Variants in FDXR observed in about 807,000 individuals in gnomAD.
FDXR encodes NADPH:adrenodoxin oxidoreductase, mitochondrial.
In FDXR, 38 loss-of-function variants were observed where a neutral mutation model predicts 58.3. The ratio of observed to expected loss-of-function variants is 0.65; its 90% confidence interval spans 0.50 to 0.85. The LOEUF is 0.85. FDXR is among the 40% of genes least tolerant of loss of function. The pLI is 0.00. For synonymous variants in FDXR, 275 were observed against 273.8 expected (o/e 1.00, Z -0.04); for missense variants, 624 against 671.0 (o/e 0.93, Z 0.77).
intron 2 of FDXR, among the ~76,000 whole-genome samples, chr17:74,871,790 A>G (rs1460399322): frequency 6.6e-6 from 1 of 152,128 alleles, no homozygotes; most frequent in Non-Finnish European, 1.5e-5. Flanking sequence ...CAGGGAGGCA[A>G]AGCTGACCAC....
intron 6 of FDXR, among the ~76,000 whole-genome samples, chr17:74,865,164 T>G (rs1335312999): frequency 6.6e-6 from 1 of 152,092 alleles, no homozygotes; most frequent in South Asian, 2.1e-4. Context: ...CTCTACCATG[T>G]GCTCACCCCC....
At chr17:74,864,954 G>A in intron 6 of FDXR, 23 bp from the exon 7 acceptor site, 1 of 1,614,038 alleles carries the variant, frequency 6.2e-7, no homozygotes, top group Non-Finnish European at 8.5e-7. Flanking sequence ...GAGGGCCTTG[G>A]AGTCATCAGA....
At chr17:74,872,555 C>G in intron 1 of FDXR, 1 of 626,692 alleles carries the variant, frequency 1.6e-6, no homozygotes, top group Admixed American at 3.0e-5. Flanking sequence ...CCTACAGATC[C>G]CTGTTTCGAC....
Position 74,862,689 on chromosome 17 carries a change from A to G in FDXR, c.*128T>C. The G allele has an allele frequency of 7.8e-7, 1 of 1,288,108 alleles. No homozygotes were observed. 79.8% of individuals were successfully genotyped at this position (1,288,108 alleles called of 1,614,324 possible). A position where few individuals can be genotyped will look rare whatever the true frequency, so the allele number is the denominator to read the frequency against. On this transcript the variant is annotated 3_prime_UTR_variant, in exon 12 of 12. Coordinates refer to ENST00000293195, the MANE Select transcript of FDXR (RefSeq NM_024417.5). ...CAGGAGGGAGGAGAGACGCTGGAAG[A>G]GCAGCCAAGCCTCCAAGCCAGGGCC...
At chr17:74,869,836 CT>C (rs2038313229) in intron 2 of FDXR, 2 of 401,294 alleles carry the variant, frequency 5.0e-6, no homozygotes, top group South Asian at 3.3e-5. Context: ...TAAATGATTA[CT>C]GAATGGATTA....
rs529689025 is a variant in FDXR at position 74,868,221 on chromosome 17, T to G, written c.178-1345A>C. The G allele has an allele frequency of 1.8e-5, 9 of 495,256 alleles. No individual in the cohort carries two copies. In the Admixed American group the frequency reaches 2.9e-4, roughly 16 times the overall value. The allele number at this position is 495,256 out of a possible 1,614,324, so 30.7% of individuals were successfully genotyped here. ...CCACCTCCCTCAAGCCCCACGATGT[T>G]GTACCCACAAAGCGCTCTGGGCTTG... On this transcript the variant is annotated intron_variant, in intron 2 of 11. Transcript: ENST00000293195.
In FDXR at chr17:74,864,537, C is replaced by G. The variant is rs773043685; in HGVS notation, c.745G>C (p.Gly249Arg). 1 of 1,614,122 alleles carries G rather than the reference C, an allele frequency of 6.2e-7. No individual in the cohort carries two copies. Among genetic ancestry groups the G allele is most frequent in the Admixed American group, 1.7e-5 (1 of 60,020 alleles). Residue 249 changes from glycine to arginine, a missense_variant, in exon 8 of 12, where the codon GGA becomes CGA. Gly to Arg is a moderately radical substitution (Grantham distance 125, BLOSUM62 -2). Transcript: ENST00000293195. ...KELREMIQLP[G>R]ARPILDPVDF... ...ACAGGATCCAAAATGGGCCGGGCTC[C>G]CGGTAACTGAATCATCTCCCGAAGC...
chr17:74,866,380 C>A, intron 4 of FDXR, 66 bp downstream of exon 4: 1 of 1,593,422 alleles, frequency 6.3e-7, no homozygotes, highest in Middle Eastern at 1.7e-4. Context: ...TGCTGCCTTC[C>A]ACCCCGAGCC....
At chr17:74,865,602 G>T in intron 6 of FDXR, 117 bp downstream of exon 6, 1 of 663,476 alleles carries the variant, frequency 1.5e-6, no homozygotes, top group Non-Finnish European at 2.6e-6. Flanking sequence ...GGCACCACGG[G>T]GAAACAGAGG....
Position 74,864,294 on chromosome 17 carries a change from C to G in FDXR, c.856G>C (p.Glu286Gln), listed in dbSNP as rs1239033667. The change falls in exon 9 of 12, where the codon GAG (glutamate) becomes CAG (glutamine). Residue 286 changes from glutamate (E) to glutamine (Q), a missense_variant. By Grantham distance (29) the Glu-to-Gln change is conservative (BLOSUM62 2). Transcript: ENST00000293195. ...GCAGCTTCCGCCGGCCCTGGCTTCT[C>G]TGTGGCCGTTCGAAGCAGCAGTTCC... ...LTELLLRTAT[E>Q]KPGPAEAARQ... 12 of 1,590,212 alleles carry G rather than the reference C, an allele frequency of 7.5e-6. No homozygotes were observed. The highest frequency in any genetic ancestry group is 1.0e-5 in the Non-Finnish European group (12 of 1,165,466).
At chr17:74,864,709 C>A in intron 7 of FDXR, 115 bp downstream of exon 7, 1 of 1,496,642 alleles carries the variant, frequency 6.7e-7, no homozygotes, top group Non-Finnish European at 9.2e-7. Context: ...CCTGACTGCT[C>A]CCCTTCTTCC....
At chr17:74,867,832 C>T (rs116462435) in intron 2 of FDXR, among the ~76,000 whole-genome samples, 2,023 of 152,206 alleles carry the variant, frequency 0.013, 43 homozygotes, top group African/African-American at 0.046. Flanking sequence ...TCAGTCTCCC[C>T]CTCTGCACAC....
intron 1 of FDXR, chr17:74,872,434 G>A (rs1032678423): frequency 1.4e-6 from 1 of 702,822 alleles, no homozygotes; most frequent in Non-Finnish European, 2.3e-6. Context: ...TCCTTCCAAC[G>A]GCCTCCATAT....
intron 1 of FDXR, 168 bp downstream of exon 1, chr17:74,872,698 C>T (rs1345014113): frequency 2.1e-6 from 3 of 1,429,844 alleles, no homozygotes; most frequent in Non-Finnish European, 2.8e-6. Context: ...TCACATCTCA[C>T]GCACAGATCT....
intron 5 of FDXR, 48 bp downstream of exon 5, chr17:74,866,083 G>C: frequency 7.2e-7 from 1 of 1,392,460 alleles, no homozygotes; most frequent in Non-Finnish European, 1.0e-6. Context: ...GCATCCAAGG[G>C]CTGAGGGGCG....
rs2038208509 is a variant in FDXR at position 74,866,896 on chromosome 17, C to CA, written c.178-21dup. On this transcript the variant is annotated intron_variant, in intron 2 of 11. Transcript: ENST00000293195. ...GGGGTGCTGCTGGGGAACAGGGTGG[C>CA]AGCTGGTGGGGCCGAGAGAGAGAGG... The CA allele has an allele frequency of 3.7e-6, 6 of 1,611,650 alleles. No individual in the cohort carries two copies. The highest frequency in any genetic ancestry group is 5.1e-6 in the Non-Finnish European group (6 of 1,178,920).
At chr17:74,871,917 T>C in intron 2 of FDXR, 119 bp downstream of exon 2, 1 of 687,512 alleles carries the variant, frequency 1.5e-6, no homozygotes, top group Non-Finnish European at 2.4e-6. Context: ...CCAGGCCAGA[T>C]GGCTGGGAGC....
chr17:74,865,655 C>G, intron 6 of FDXR, 64 bp downstream of exon 6: 1 of 1,146,282 alleles, frequency 8.7e-7, no homozygotes, highest in Non-Finnish European at 1.3e-6. Flanking sequence ...ACCCTGCAGA[C>G]AAGGGCACTC....
chr17:74,867,008 G>A, intron 2 of FDXR, 132 bp from the exon 3 acceptor site: 1 of 1,486,566 alleles, frequency 6.7e-7, no homozygotes, highest in Non-Finnish European at 9.0e-7. Flanking sequence ...TCCACCCTCT[G>A]CAAGGAAAAA....
Sources: allele counts gnomAD v4.1 joint callset (sites outside exome capture counted in the v4.1 genomes callset), GRCh38; gene constraint gnomAD v4.1.1; transcripts MANE v1.5; gene names NCBI Gene and HGNC (gene_info 2026-07-23, HGNC 2026-07-21).